Variants in SCARA5 observed in about 807,000 individuals in gnomAD.
SCARA5 encodes scavenger receptor class A, member 5 (putative).
In SCARA5, 45 loss-of-function variants were observed where a neutral mutation model predicts 46.3. The observed-to-expected ratio is 0.97, with a 90% CI of 0.76 to 1.24. The LOEUF (loss-of-function observed/expected upper bound fraction) is 1.24. SCARA5 is among the 50% of genes most tolerant of loss of function. The probability of loss-of-function intolerance (pLI) is 0.00; values close to 1 mark genes in which losing one functional copy is unlikely to be tolerated. For synonymous variants in SCARA5, 333 were observed against 306.5 expected (o/e 1.09, Z -0.90); for missense variants, 680 against 689.0 (o/e 0.99, Z 0.15).
At chr8:27,991,432 C>A (rs1808784476) in intron 1 of SCARA5, among the ~76,000 whole-genome samples, 1 of 152,180 alleles carries the variant, frequency 6.6e-6, no homozygotes, top group Admixed American at 6.5e-5. Flanking sequence ...GTTTGAAGTT[C>A]CCTTTGTAAA....
At chr8:27,933,221 G>A (rs1453050929) in intron 3 of SCARA5, among the ~76,000 whole-genome samples, 1 of 152,128 alleles carries the variant, frequency 6.6e-6, no homozygotes, top group Admixed American at 6.5e-5. Context: ...GTGACAAGTG[G>A]TTAGAACAGG....
intron 4 of SCARA5, among the ~76,000 whole-genome samples, chr8:27,914,391 T>A (rs1265161864): frequency 6.6e-6 from 1 of 152,018 alleles, no homozygotes; most frequent in Non-Finnish European, 1.5e-5. Flanking sequence ...TAGAAGGAGG[T>A]GGGGAGATCC....
In SCARA5 at chr8:27,928,828, G is replaced by T. The variant is rs140327933; in HGVS notation, c.242-6583C>A. Among the ~76,000 whole-genome samples, 581 of 152,030 alleles carry T rather than the reference G, an allele frequency of 3.8e-3. 4 individuals carry two copies. Among genetic ancestry groups the T allele is most frequent in the African/African-American group, 0.012 (508 of 41,452 alleles). ...CTACAGGCACCCACCACCACACCCG[G>T]CTAGTTTTTGTATTTTTAGTAGGGA... On this transcript the variant is annotated intron_variant, in intron 3 of 8. Transcript: ENST00000354914.
At chr8:27,900,672 A>G (rs1205906837) in intron 7 of SCARA5, among the ~76,000 whole-genome samples, 2 of 152,086 alleles carry the variant, frequency 1.3e-5, no homozygotes, top group Non-Finnish European at 2.9e-5. Context: ...CTTAAAAAAA[A>G]CCTGAATTCT....
intron 8 of SCARA5, among the ~76,000 whole-genome samples, chr8:27,875,062 G>A (rs1039756753): frequency 6.6e-6 from 1 of 152,212 alleles, no homozygotes; most frequent in African/African-American, 2.4e-5. Flanking sequence ...TGGGAGAGCT[G>A]TCAGGGCTTG....
At chr8:27,872,538 C>T (rs544905884) in intron 8 of SCARA5, among the ~76,000 whole-genome samples, 1 of 152,336 alleles carries the variant, frequency 6.6e-6, no homozygotes, top group East Asian at 1.9e-4. Context: ...ACGGGATTGC[C>T]ATGCAGTGAA....
chr8:27,970,940 T>C (rs1808439030), intron 2 of SCARA5, among the ~76,000 whole-genome samples: 1 of 152,240 alleles, frequency 6.6e-6, no homozygotes, highest in Non-Finnish European at 1.5e-5. Flanking sequence ...ACATTTGTTT[T>C]ATGCTGCTCA....
chr8:27,921,986 C>T lies in SCARA5; in HGVS notation c.501G>A (p.Val167=). ...QAQAVQTEQA[V]ALLRDRTGQQ... is the part of the protein sequence containing the mutation. ...GGCCCGTGCGGTCCCGCAGCAGGGC[C>T]ACCGCCTGCTCGGTCTGCACCGCCT... is the stretch of plus-strand genomic sequence containing the variant. The change falls in exon 4 of 9, where the codon GTG becomes GTA. Residue 167 remains valine, a synonymous_variant. Transcript: ENST00000354914. 6.5e-7 allele frequency: 1 copy of T among 1,549,098 alleles called. No homozygotes were observed. Among genetic ancestry groups the T allele is most frequent in the Non-Finnish European group, 8.6e-7 (1 of 1,156,196 alleles).
chr8:27,966,999 C>A (rs1808379832), intron 2 of SCARA5, among the ~76,000 whole-genome samples: 1 of 152,164 alleles, frequency 6.6e-6, no homozygotes, highest in South Asian at 2.1e-4. Context: ...TGTGGGGAGG[C>A]CAACGGCACG....
intron 7 of SCARA5, among the ~76,000 whole-genome samples, chr8:27,900,931 G>A (rs536588086): frequency 7.2e-4 from 109 of 151,576 alleles, no homozygotes; most frequent in Middle Eastern, 3.4e-3. Context: ...CAATTTGGCC[G>A]TGACCTAGGC....
At chr8:27,894,571 C>T (rs1807031980) in intron 7 of SCARA5, among the ~76,000 whole-genome samples, 1 of 152,162 alleles carries the variant, frequency 6.6e-6, no homozygotes, top group Non-Finnish European at 1.5e-5. Flanking sequence ...GGTGCACAGC[C>T]AAGGCTGAGA....
chr8:27,953,519 G>A (rs977046508), intron 3 of SCARA5, among the ~76,000 whole-genome samples: 1 of 152,324 alleles, frequency 6.6e-6, no homozygotes, highest in African/African-American at 2.4e-5. Flanking sequence ...TTAATTGAAG[G>A]GAGAAAAAAG....
Position 27,918,651 on chromosome 8 carries a change from AAAAGGAAGATGAGGAGG to A in SCARA5, c.916+2903_916+2919del, listed in dbSNP as rs1180530158. Reference sequence around the variant, plus strand: ...CAGGAGGAGGAAGATGAGGAGGAGGAAAAGGAAGATGAGGAGGAAAAGGAAGATGAGGAGGAAAAGGA... The same window carrying A: ...CAGGAGGAGGAAGATGAGGAGGAGGAAAAAGGAAGATGAGGAGGAAAAGGA... On this transcript the variant is annotated intron_variant, in intron 4 of 8. Transcript: ENST00000354914. Among the ~76,000 whole-genome samples, 6 of 860 alleles carry A rather than the reference AAAAGGAAGATGAGGAGG, an allele frequency of 7.0e-3. 1 individual carries two copies. In the East Asian group the frequency reaches 0.15, roughly 21 times the overall value. 0.6% of individuals were successfully genotyped at this position (860 alleles called of 152,430 possible).
At position 27,874,794 on chromosome 8, in the gene SCARA5, C is replaced by T. The variant is rs577339761; in HGVS notation, c.1352-2724G>A. Among the ~76,000 whole-genome samples the T allele has an allele frequency of 1.1e-3, 172 of 152,340 alleles. 1 individual carries two copies. Among genetic ancestry groups the T allele is most frequent in the Non-Finnish European group, 1.8e-3 (123 of 68,028 alleles). On this transcript the variant is annotated intron_variant, in intron 8 of 8. Transcript: ENST00000354914. Reference sequence around the variant, plus strand: ...GTCTGATGTGCAGCAATCCTTACCTCCTTTTCCATCTGTCTGTCTCCCTGG... The same window carrying T: ...GTCTGATGTGCAGCAATCCTTACCTTCTTTTCCATCTGTCTGTCTCCCTGG...
chr8:27,917,363 T>C (rs1389766319), intron 4 of SCARA5, among the ~76,000 whole-genome samples: 3 of 151,994 alleles, frequency 2.0e-5, no homozygotes, highest in African/African-American at 7.3e-5. Context: ...GCCAAGGAGA[T>C]TGGACTTAGA....
chr8:27,904,530 G>A (rs1807218983), intron 7 of SCARA5: 1 of 563,716 alleles, frequency 1.8e-6, no homozygotes, highest in East Asian at 2.7e-5. Context: ...GTGACCGGGG[G>A]AAGCCTCCAG....
intron 2 of SCARA5, among the ~76,000 whole-genome samples, chr8:27,979,195 T>C (rs1808573999): frequency 6.6e-6 from 1 of 152,170 alleles, no homozygotes. Context: ...CTCTCCCAGA[T>C]GTGACTTCCC....
chr8:27,950,831 G>A (rs1285170200), intron 3 of SCARA5, among the ~76,000 whole-genome samples: 2 of 151,320 alleles, frequency 1.3e-5, no homozygotes, highest in Admixed American at 6.6e-5. Flanking sequence ...TCAACCGATC[G>A]GAACGAGCTC....
intron 3 of SCARA5, among the ~76,000 whole-genome samples, chr8:27,929,939 C>T (rs566733331): frequency 1.0e-3 from 157 of 152,286 alleles, no homozygotes; most frequent in Middle Eastern, 3.4e-3. Context: ...TACCACTCTC[C>T]TCCCTCACAC....
Sources: allele counts gnomAD v4.1 joint callset (sites outside exome capture counted in the v4.1 genomes callset), GRCh38; gene constraint gnomAD v4.1.1; transcripts MANE v1.5; gene names NCBI Gene and HGNC (gene_info 2026-07-23, HGNC 2026-07-21).